CDK6: variants seen among roughly 807,000 people sequenced by gnomAD.
CDK6 encodes the protein cyclin-dependent kinase 6.
In CDK6, 6 loss-of-function variants were observed where a neutral mutation model predicts 37.1. That is an observed-to-expected ratio of 0.16 (90% CI 0.09 to 0.32). The LOEUF (loss-of-function observed/expected upper bound fraction) is 0.32, where lower values mean the gene tolerates loss of function less well. Ranked by LOEUF, CDK6 falls within the 10% of genes least tolerant of loss-of-function variation. CDK6 has a pLI of 1.00. For missense variants in CDK6, 224 were observed against 418.9 expected (o/e 0.53, Z 4.06); for synonymous variants, 160 against 161.3 (o/e 0.99, Z 0.06).
intron 5 of CDK6, among the ~76,000 whole-genome samples, chr7:92,663,355 A>G (rs1056823795): frequency 1.3e-5 from 2 of 152,150 alleles, no homozygotes; most frequent in Admixed American, 6.5e-5. Context: ...GCTTCTCAAT[A>G]TATGTCATGA....
intron 4 of CDK6, 32 bp from the exon 5 acceptor site, chr7:92,671,567 A>T: frequency 7.3e-7 from 1 of 1,377,724 alleles, no homozygotes; most frequent in Non-Finnish European, 9.9e-7. Flanking sequence ...AGTGTTACTG[A>T]GAAGGTGGCT....
chr7:92,829,346 C>T lies in CDK6; in HGVS notation c.233+3745G>A, dbSNP rs1801417598. Among the ~76,000 whole-genome samples, 4 of 152,098 alleles carry T rather than the reference C, an allele frequency of 2.6e-5. No homozygotes were observed. The South Asian group carries it at 8.3e-4, about 31-fold the overall frequency. On this transcript the variant is annotated intron_variant, in intron 2 of 7. Coordinates refer to ENST00000424848, the MANE Select transcript of CDK6 (RefSeq NM_001145306.2). ...ACTGATATGTAATGACTTTTAGTTT[C>T]CAGAGCCAATACTTGAATTTGAATT...
At chr7:92,807,174 C>T (rs1800747345) in intron 2 of CDK6, among the ~76,000 whole-genome samples, 1 of 152,076 alleles carries the variant, frequency 6.6e-6, no homozygotes, top group Non-Finnish European at 1.5e-5. Flanking sequence ...TGAATTTTTA[C>T]CCTTCCATGA....
chr7:92,623,025 T>A lies in CDK6; in HGVS notation c.698+11A>T. On this transcript the variant is annotated intron_variant, in intron 6 of 7. Coordinates refer to ENST00000424848, the MANE Select transcript of CDK6 (RefSeq NM_001145306.2). ...TATGGACACTGGTGTAAAATTATAA[T>A]TATTACTTACTCCAAGATTTTTCCT... 6.5e-7 allele frequency: 1 copy of A among 1,541,348 alleles called. No individual in the cohort carries two copies. Among genetic ancestry groups the A allele is most frequent in the Non-Finnish European group, 8.9e-7 (1 of 1,122,146 alleles).
chr7:92,762,881 T>G (rs1274759701), intron 3 of CDK6, among the ~76,000 whole-genome samples: 1 of 152,200 alleles, frequency 6.6e-6, no homozygotes, highest in Non-Finnish European at 1.5e-5. Flanking sequence ...TAGAACATCT[T>G]AAATTGAGGA....
At chr7:92,832,835 G>T (rs913164069) in intron 2 of CDK6, among the ~76,000 whole-genome samples, 1 of 152,196 alleles carries the variant, frequency 6.6e-6, no homozygotes, top group Non-Finnish European at 1.5e-5. Context: ...ACGCTTCTAA[G>T]TTGCACAGCT....
chr7:92,617,545 G>A (rs1795708215), intron 7 of CDK6, among the ~76,000 whole-genome samples: 1 of 152,160 alleles, frequency 6.6e-6, no homozygotes, highest in African/African-American at 2.4e-5. Flanking sequence ...TGAGCATTAA[G>A]AGTCTCAGAG....
At chr7:92,788,880 G>C (rs1800211649) in intron 2 of CDK6, among the ~76,000 whole-genome samples, 1 of 152,130 alleles carries the variant, frequency 6.6e-6, no homozygotes, top group Non-Finnish European at 1.5e-5. Flanking sequence ...ACTTTGGGAG[G>C]CCTAGGCAAG....
chr7:92,690,694 G>A (rs1330187535), intron 4 of CDK6, among the ~76,000 whole-genome samples: 12 of 152,196 alleles, frequency 7.9e-5, no homozygotes, highest in Non-Finnish European at 1.3e-4. Context: ...ACTACTCTAT[G>A]ACAACGTATG....
At chr7:92,658,581 T>TTCTCTC (rs3839839) in intron 5 of CDK6, among the ~76,000 whole-genome samples, 4 of 146,440 alleles carry the variant, frequency 2.7e-5, no homozygotes, top group South Asian at 2.2e-4. Flanking sequence ...CTCTCTCTCT[T>TTCTCTC]TCTCTCTCTC....
Position 92,606,403 on chromosome 7 carries a change from T to C in CDK6, c.*8737A>G. 4.3e-6 allele frequency: 1 copy of C among 233,374 alleles called. No homozygotes were observed. The highest frequency in any genetic ancestry group is 6.0e-5 in the East Asian group (1 of 16,584). 14.5% of individuals were successfully genotyped at this position (233,374 alleles called of 1,614,324 possible). ...CAGGCCTAGACAGGCACACCTGTGG[T>C]CCATGATGTGGAGGAAGATGGAGAG... On this transcript the variant is annotated 3_prime_UTR_variant, in exon 8 of 8. Coordinates refer to ENST00000424848, the MANE Select transcript of CDK6 (RefSeq NM_001145306.2).
In CDK6 at chr7:92,757,209, C is replaced by G. The variant is rs148515116; in HGVS notation, c.369+17487G>C. Among the ~76,000 whole-genome samples the G allele has an allele frequency of 3.3e-3, 501 of 152,270 alleles. 2 individuals are homozygous for G. Among genetic ancestry groups the G allele is most frequent in the African/African-American group, 0.012 (480 of 41,546 alleles). The stretch of plus-strand genomic sequence containing the variant: ...TGTGAAGATTTTTTATATAGGTAAA[C>G]TTGTGTCACAGGAGTCTGTTGTACA... On this transcript the variant is annotated intron_variant, in intron 3 of 7. Coordinates refer to ENST00000424848, the MANE Select transcript of CDK6 (RefSeq NM_001145306.2).
intron 3 of CDK6, among the ~76,000 whole-genome samples, chr7:92,749,405 A>G (rs1055269453): frequency 2.1e-4 from 32 of 152,154 alleles, no homozygotes; most frequent in African/African-American, 6.5e-4. Context: ...TCAAGGCTGC[A>G]GTGAGCTATG....
intron 5 of CDK6, among the ~76,000 whole-genome samples, chr7:92,633,901 CT>C (rs1796111818): frequency 6.6e-6 from 1 of 152,038 alleles, no homozygotes. Context: ...GTGGGGTGTG[CT>C]AGTGGCTTTC....
chr7:92,797,261 T>C (rs890428605), intron 2 of CDK6, among the ~76,000 whole-genome samples: 1 of 152,164 alleles, frequency 6.6e-6, no homozygotes, highest in Non-Finnish European at 1.5e-5. Context: ...CCAGGTTCCA[T>C]GTCCACAATG....
intron 2 of CDK6, among the ~76,000 whole-genome samples, chr7:92,791,849 T>C (rs1224172081): frequency 6.6e-6 from 1 of 152,098 alleles, no homozygotes; most frequent in Non-Finnish European, 1.5e-5. Flanking sequence ...GAATTGCGGA[T>C]AGTCTGGCAT....
intron 2 of CDK6, among the ~76,000 whole-genome samples, chr7:92,779,893 G>GCCC: frequency 6.6e-6 from 1 of 151,810 alleles, no homozygotes; most frequent in East Asian, 1.9e-4. Flanking sequence ...GCTTTTTTTT[G>GCCC]TCTACAATGA....
rs1000124176 is a variant in CDK6, at chr7:92,606,239, T to C, written c.*8901A>G. On this transcript the variant is annotated 3_prime_UTR_variant, in exon 8 of 8. Coordinates refer to ENST00000424848, the MANE Select transcript of CDK6 (RefSeq NM_001145306.2). ...ACCACAGCCAAAACTGAATGCTCTG[T>C]ACAATGACTTGGTTTAAAAATCAAG... 6 of 233,418 alleles carry C rather than the reference T, an allele frequency of 2.6e-5. No individual in the cohort carries two copies. Among genetic ancestry groups the C allele is most frequent in the Middle Eastern group, 1.2e-3 (1 of 808 alleles). 14.5% of individuals were successfully genotyped at this position (233,418 alleles called of 1,614,324 possible).
chr7:92,764,046 T>G (rs1799520781), intron 3 of CDK6, among the ~76,000 whole-genome samples: 1 of 151,980 alleles, frequency 6.6e-6, no homozygotes, highest in Non-Finnish European at 1.5e-5. Flanking sequence ...CAAAATCTGT[T>G]GGGTTTAAAA....
Sources: allele counts gnomAD v4.1 joint callset (sites outside exome capture counted in the v4.1 genomes callset), GRCh38; gene constraint gnomAD v4.1.1; transcripts MANE v1.5; gene names NCBI Gene and HGNC (gene_info 2026-07-23, HGNC 2026-07-21).